FMN2: variants seen among roughly 807,000 people sequenced by gnomAD.
The protein encoded by FMN2 is formin 2.
FMN2 carries 51 observed loss-of-function variants against 142.3 expected under a neutral mutation model. That is an observed-to-expected ratio of 0.36 (90% CI 0.29 to 0.45). The LOEUF (loss-of-function observed/expected upper bound fraction) is 0.45, where lower values mean the gene tolerates loss of function less well. FMN2 is among the 20% of genes least tolerant of loss of function. The pLI is 1.00. For missense variants in FMN2, 1,936 were observed against 2,122.8 expected, an observed-to-expected ratio of 0.91 and a Z score of 1.73; for synonymous variants, 882 against 869.8, an observed-to-expected ratio of 1.01 and a Z score of -0.25.
chr1:240,098,440 G>A (rs953583644), intron 1 of FMN2, among the ~76,000 whole-genome samples: 1 of 151,890 alleles, frequency 6.6e-6, no homozygotes, highest in Non-Finnish European at 1.5e-5. Context: ...TTTCTCATAC[G>A]GCTTGGTAAA....
intron 15 of FMN2, among the ~76,000 whole-genome samples, chr1:240,424,782 A>G (rs1344932946): frequency 2.0e-5 from 3 of 152,226 alleles, no homozygotes; most frequent in Non-Finnish European, 2.9e-5. Context: ...GGTTAGAGAC[A>G]GAACTAAATC....
chr1:240,367,328 G>C (rs577318403), intron 14 of FMN2, among the ~76,000 whole-genome samples: 1 of 152,190 alleles, frequency 6.6e-6, no homozygotes, highest in Admixed American at 6.5e-5. Flanking sequence ...TTAAAATGTG[G>C]TCAGATAAAT....
At chr1:240,431,356 TTA>T in intron 15 of FMN2, among the ~76,000 whole-genome samples, 1 of 150,466 alleles carries the variant, frequency 6.6e-6, no homozygotes, top group South Asian at 2.1e-4. Context: ...ACAGGTTTTG[TTA>T]TGTTTGTAAA....
At chr1:240,186,657 A>G (rs1665464644) in intron 3 of FMN2, among the ~76,000 whole-genome samples, 1 of 152,152 alleles carries the variant, frequency 6.6e-6, no homozygotes, top group Non-Finnish European at 1.5e-5. Context: ...GGCAGTAGCC[A>G]CTGTGGCTTT....
intron 14 of FMN2, among the ~76,000 whole-genome samples, chr1:240,363,868 G>A (rs1010647292): frequency 1.3e-5 from 2 of 152,144 alleles, no homozygotes; most frequent in East Asian, 1.9e-4. Context: ...TCCCCATGCT[G>A]GTCATGCTGG....
At chr1:240,299,012 G>C (rs564311984) in intron 8 of FMN2, among the ~76,000 whole-genome samples, 2 of 151,606 alleles carry the variant, frequency 1.3e-5, no homozygotes, top group East Asian at 3.9e-4. Context: ...GTGCAGTGGC[G>C]CAGTCTTGGC....
chr1:240,354,859 G>A (rs965711998), intron 13 of FMN2, among the ~76,000 whole-genome samples: 1 of 151,922 alleles, frequency 6.6e-6, no homozygotes, highest in African/African-American at 2.4e-5. Flanking sequence ...TGTTGTTGTC[G>A]TTGTTGTTTT....
intron 3 of FMN2, among the ~76,000 whole-genome samples, chr1:240,184,096 T>C (rs1296728039): frequency 6.6e-6 from 1 of 152,044 alleles, no homozygotes; most frequent in Non-Finnish European, 1.5e-5. Context: ...CTCATCCAAG[T>C]ATGTTTTGTT....
chr1:240,253,978 C>T (rs1668364540), intron 6 of FMN2, among the ~76,000 whole-genome samples: 1 of 152,078 alleles, frequency 6.6e-6, no homozygotes, highest in South Asian at 2.1e-4. Context: ...CAATCACTGG[C>T]AGGTGCTTGA....
chr1:240,315,834 A>G (rs1232085668), intron 8 of FMN2, among the ~76,000 whole-genome samples: 3 of 152,246 alleles, frequency 2.0e-5, no homozygotes, highest in Non-Finnish European at 4.4e-5. Flanking sequence ...CAAGTAGTAT[A>G]TAGACCACCC....
rs1668508181 is a variant in FMN2, at chr1:240,258,037, GTGT to G, written c.4153+6_4153+8del. ...ATATGAAAGACATACAACATGGTAA[GTGT>G]CAAAATGAAAATTTAGCTTCTGAAT... On this transcript the variant is annotated splice_donor_region_variant and intron_variant, in intron 7 of 17. Coordinates refer to ENST00000319653, the MANE Select transcript of FMN2 (RefSeq NM_020066.5). 6.3e-7 allele frequency: 1 copy of G among 1,598,328 alleles called. No individual in the cohort carries two copies. Among genetic ancestry groups the G allele is most frequent in the African/African-American group, 1.3e-5 (1 of 74,232 alleles).
At chr1:240,238,476 C>T (rs533781467) in intron 6 of FMN2, among the ~76,000 whole-genome samples, 1 of 152,298 alleles carries the variant, frequency 6.6e-6, no homozygotes, top group South Asian at 2.1e-4. Flanking sequence ...AAACCACTGA[C>T]ACATATAATG....
At chr1:240,411,269 T>C (rs1382120008) in intron 15 of FMN2, among the ~76,000 whole-genome samples, 1 of 152,188 alleles carries the variant, frequency 6.6e-6, no homozygotes, top group Non-Finnish European at 1.5e-5. Flanking sequence ...CAGGGTTGCT[T>C]TTAAGAAGTC....
At chr1:240,309,957 T>C (rs1670546214) in intron 8 of FMN2, among the ~76,000 whole-genome samples, 1 of 152,158 alleles carries the variant, frequency 6.6e-6, no homozygotes, top group East Asian at 1.9e-4. Context: ...AAAAGTGACA[T>C]GCACGGGCTT....
intron 16 of FMN2, among the ~76,000 whole-genome samples, chr1:240,450,821 G>A (rs1230942483): frequency 6.6e-6 from 1 of 152,182 alleles, no homozygotes; most frequent in Non-Finnish European, 1.5e-5. Flanking sequence ...CAGAGGGAGG[G>A]TCATCCTGAA....
At chr1:240,252,378 G>A (rs1668305044) in intron 6 of FMN2, among the ~76,000 whole-genome samples, 1 of 152,120 alleles carries the variant, frequency 6.6e-6, no homozygotes, top group African/African-American at 2.4e-5. Context: ...ATGCTTTCAT[G>A]ATGGTGGATA....
intron 16 of FMN2, among the ~76,000 whole-genome samples, chr1:240,450,009 C>A (rs1202864868): frequency 6.6e-6 from 1 of 151,988 alleles, no homozygotes; most frequent in African/African-American, 2.4e-5. Context: ...GGTCTTTAGA[C>A]TTGTTCATTT....
intron 1 of FMN2, among the ~76,000 whole-genome samples, chr1:240,094,078 C>G (rs897344694): frequency 6.6e-6 from 1 of 152,180 alleles, no homozygotes; most frequent in Non-Finnish European, 1.5e-5. Flanking sequence ...TCTTCTCTTT[C>G]ATTTTTCATC....
intron 6 of FMN2, among the ~76,000 whole-genome samples, chr1:240,227,111 GAAA>G (rs1246716219): frequency 6.6e-6 from 1 of 152,132 alleles, no homozygotes; most frequent in Non-Finnish European, 1.5e-5. Context: ...TTCATTAGAA[GAAA>G]CTATTAGACG....
Sources: gnomAD v4.1 joint callset for allele counts (sites outside exome capture counted in the v4.1 genomes callset) on GRCh38, gnomAD v4.1.1 for gene constraint, MANE v1.5 for transcripts, NCBI Gene and HGNC (gene_info 2026-07-23, HGNC 2026-07-21) for gene names.